TTL: variants seen among roughly 807,000 people sequenced by gnomAD.
TTL encodes tubulin--tyrosine ligase.
Under a neutral mutation model 41.1 loss-of-function variants are expected in TTL, and 10 were observed. The ratio of observed to expected loss-of-function variants is 0.24; its 90% CI spans 0.15 to 0.41. The LOEUF (loss-of-function observed/expected upper bound fraction) is 0.41. Ranked by LOEUF, TTL falls within the 10% of genes least tolerant of loss-of-function variation. The pLI is 1.00. For missense variants in TTL, 367 were observed against 460.4 expected, an observed-to-expected ratio of 0.80 and a Z score of 1.86; for synonymous variants, 175 against 175.5, an observed-to-expected ratio of 1.00 and a Z score of 0.02.
intron 4 of TTL, 78 bp downstream of exon 4, chr2:112,501,419 T>C (rs1371331834): frequency 2.3e-6 from 3 of 1,326,544 alleles, no homozygotes; most frequent in African/African-American, 3.0e-5. Context: ...AAGGGGGACA[T>C]GGAATATGAG....
At chr2:112,489,641 A>G (rs941884886) in intron 2 of TTL, among the ~76,000 whole-genome samples, 4 of 152,220 alleles carry the variant, frequency 2.6e-5, no homozygotes, top group African/African-American at 9.7e-5. Context: ...GCCAATTTTC[A>G]TAATGCTATT....
rs1682549016 is a variant in TTL at position 112,533,652 on chromosome 2, C to CT, written c.*4860dup. The stretch of plus-strand genomic sequence containing the variant: ...AGAGAGGAATGGAGTCTAACTCACC[C>CT]TTTAACTAGCAACCCATTCCTGTGA... On this transcript the variant is annotated 3_prime_UTR_variant, in exon 7 of 7. Transcript: ENST00000233336. 6.6e-6 allele frequency: 1 copy of CT among 152,194 alleles called. No homozygotes were observed. Among genetic ancestry groups the CT allele is most frequent in the Non-Finnish European group, 1.5e-5 (1 of 68,050 alleles). The allele number at this position is 152,194 out of a possible 1,614,324, so 9.4% of individuals were successfully genotyped here. A position where few individuals can be genotyped will look rare whatever the true frequency, so the allele number is the denominator to read the frequency against.
intron 6 of TTL, among the ~76,000 whole-genome samples, chr2:112,526,395 T>C (rs1310225147): frequency 2.6e-5 from 4 of 152,140 alleles, no homozygotes; most frequent in South Asian, 2.1e-4. Flanking sequence ...TGGTAGAATT[T>C]GGCTGTGAAT....
chr2:112,540,319 C>G lies in TTL; in HGVS notation c.*11524C>G, dbSNP rs920864330. On this transcript the variant is annotated 3_prime_UTR_variant, in exon 7 of 7. Coordinates refer to ENST00000233336, the MANE Select transcript of TTL (RefSeq NM_153712.5). The stretch of plus-strand genomic sequence containing the variant: ...AGGCATGGTGGTGCATGCCTGTAAT[C>G]TCAGCTATTTGGGAGGCTGAGGCAG... 2 of 151,884 alleles carry G rather than the reference C, an allele frequency of 1.3e-5. No individual in the cohort carries two copies. Among genetic ancestry groups the G allele is most frequent in the African/African-American group, 4.8e-5 (2 of 41,272 alleles). 9.4% of individuals were successfully genotyped at this position (151,884 alleles called of 1,614,324 possible). A position where few individuals can be genotyped will look rare whatever the true frequency, so the allele number is the denominator to read the frequency against.
In TTL at chr2:112,486,446, G is replaced by C. The variant is rs1191229150; in HGVS notation, c.236+451G>C. ...CAGTCAGCCATTGGCTGTGGGAAGA[G>C]ATGGAGGGCTTAGCTTCGCAGGCAT... On this transcript the variant is annotated intron_variant, in intron 2 of 6. Transcript: ENST00000233336. Among the ~76,000 whole-genome samples, 3 of 152,252 alleles carry C rather than the reference G, an allele frequency of 2.0e-5. No individual in the cohort carries two copies. In the East Asian group the frequency reaches 5.8e-4, roughly 29 times the overall value.
chr2:112,501,146 A>C (rs558637408), intron 3 of TTL, 60 bp from the exon 4 acceptor site: 330 of 1,537,754 alleles, frequency 2.1e-4, no homozygotes, highest in East Asian at 4.5e-4. Context: ...TCCTTTCTGG[A>C]TTTATAGAGA....
chr2:112,514,390 A>AAC (rs1682012726), intron 5 of TTL, among the ~76,000 whole-genome samples: 2 of 152,126 alleles, frequency 1.3e-5, no homozygotes. Context: ...TCAAAAAAAA[A>AAC]AAAACTAATT....
At chr2:112,494,548 G>A (rs1574057205) in intron 3 of TTL, among the ~76,000 whole-genome samples, 173 bp downstream of exon 3, 1 of 152,156 alleles carries the variant, frequency 6.6e-6, no homozygotes, top group Admixed American at 6.5e-5. Context: ...TCTCCAGTAT[G>A]GTCTTTTCCT....
intron 6 of TTL, 123 bp downstream of exon 6, chr2:112,520,548 C>T: frequency 7.5e-7 from 1 of 1,341,586 alleles, no homozygotes; most frequent in Non-Finnish European, 1.0e-6. Context: ...GATAGGAGAC[C>T]CTTGGGAGGA....
Position 112,539,708 on chromosome 2 carries a change from G to A in TTL, c.*10913G>A, listed in dbSNP as rs890474000. 7 of 152,298 alleles carry A rather than the reference G, an allele frequency of 4.6e-5. No individual in the cohort carries two copies. The highest frequency in any genetic ancestry group is 2.1e-4 in the South Asian group (1 of 4,832). 9.4% of individuals were successfully genotyped at this position (152,298 alleles called of 1,614,324 possible). A position where few individuals can be genotyped will look rare whatever the true frequency, so the allele number is the denominator to read the frequency against. On this transcript the variant is annotated 3_prime_UTR_variant, in exon 7 of 7. Transcript: ENST00000233336. Reference sequence around the variant, plus strand: ...GACAAAAGGAAGGAAAGAAGACTGCGCATTCAGATTGGAAAGGGAGAAGTA... The same window carrying A: ...GACAAAAGGAAGGAAAGAAGACTGCACATTCAGATTGGAAAGGGAGAAGTA...
At chr2:112,527,410 G>A (rs1294184010) in intron 6 of TTL, among the ~76,000 whole-genome samples, 3 of 152,066 alleles carry the variant, frequency 2.0e-5, no homozygotes, top group South Asian at 2.1e-4. Context: ...GTTGACAGTG[G>A]GATGTTGAAG....
Position 112,503,797 on chromosome 2 carries a change from G to A in TTL, c.875+616G>A, listed in dbSNP as rs1253124091. Among the ~76,000 whole-genome samples the A allele has an allele frequency of 6.2e-5, 7 of 112,958 alleles. No homozygotes were observed. In the East Asian group the frequency reaches 1.1e-3, roughly 17 times the overall value. The allele number at this position is 112,958 out of a possible 152,430, so 74.1% of individuals were successfully genotyped here. A position where few individuals can be genotyped will look rare whatever the true frequency, so the allele number is the denominator to read the frequency against. ...CAGTCTACTTCTCATTCTTTTATCC[G>A]TAAACTTCTTTTTTTTTTTTTTTTT... On this transcript the variant is annotated intron_variant, in intron 5 of 6. Coordinates refer to ENST00000233336, the MANE Select transcript of TTL (RefSeq NM_153712.5).
rs139339147 is a variant in TTL, at chr2:112,484,688, A to G, written c.158-1229A>G. Among the ~76,000 whole-genome samples the G allele has an allele frequency of 6.7e-3, 1,013 of 152,318 alleles. 9 individuals carry two copies. The highest frequency in any genetic ancestry group is 0.011 in the Non-Finnish European group (719 of 68,024). On this transcript the variant is annotated intron_variant, in intron 1 of 6. Transcript: ENST00000233336. ...TACATGAAAGCCAAGGAGAAGATTT[A>G]TAGAGCTAGGTAAAGGCTCAGGAAG...
At chr2:112,501,581 T>C (rs1681698897) in intron 4 of TTL, among the ~76,000 whole-genome samples, 1 of 152,058 alleles carries the variant, frequency 6.6e-6, no homozygotes, top group Non-Finnish European at 1.5e-5. Flanking sequence ...AAAATATTCT[T>C]TTCTGGCTGG....
At chr2:112,502,139 A>T (rs1681717046) in intron 4 of TTL, among the ~76,000 whole-genome samples, 1 of 152,174 alleles carries the variant, frequency 6.6e-6, no homozygotes, top group Non-Finnish European at 1.5e-5. Flanking sequence ...TGCATTCTAA[A>T]GCTAAACAGC....
chr2:112,520,026 A>G (rs1682176997), intron 5 of TTL, among the ~76,000 whole-genome samples: 2 of 150,202 alleles, frequency 1.3e-5, no homozygotes, highest in African/African-American at 2.5e-5. Context: ...GCTGCTCGGG[A>G]GGCTGAAGCA....
chr2:112,512,425 G>C (rs1157978669), intron 5 of TTL, among the ~76,000 whole-genome samples: 1 of 152,054 alleles, frequency 6.6e-6, no homozygotes, highest in Non-Finnish European at 1.5e-5. Context: ...ACCATGCCCG[G>C]CTAATTTTTT....
At chr2:112,486,562 C>G (rs775430299) in intron 2 of TTL, among the ~76,000 whole-genome samples, 25 of 152,194 alleles carry the variant, frequency 1.6e-4, no homozygotes, top group Non-Finnish European at 2.2e-4. Context: ...GAAAGGATAT[C>G]TGGGCAGGGT....
intron 2 of TTL, 87 bp downstream of exon 2, chr2:112,486,082 T>C: frequency 7.4e-7 from 1 of 1,351,520 alleles, no homozygotes; most frequent in East Asian, 2.3e-5. Flanking sequence ...ACAAACATAC[T>C]TTTATTTTAA....
Sources: allele counts gnomAD v4.1 joint callset (sites outside exome capture counted in the v4.1 genomes callset), GRCh38; gene constraint gnomAD v4.1.1; transcripts MANE v1.5; gene names NCBI Gene and HGNC (gene_info 2026-07-23, HGNC 2026-07-21).